The following RNF2 variants were observed in gnomAD, a reference collection of about 807,000 sequenced individuals.
The protein encoded by RNF2 is ring finger protein 2, also known as E3 ubiquitin-protein ligase RING2.
RNF2 carries 6 observed loss-of-function variants against 37.2 expected under a neutral mutation model. The ratio of observed to expected loss-of-function variants is 0.16; its 90% confidence interval spans 0.09 to 0.32. RNF2 has a LOEUF of 0.32. RNF2 is among the 10% of genes least tolerant of loss of function. RNF2 has a pLI of 1.00. For missense variants in RNF2, 251 were observed against 404.0 expected (o/e 0.62, Z 3.25); for synonymous variants, 133 against 132.7 (o/e 1.00, Z -0.02).
chr1:185,053,590 C>T (rs1229037781), intron 1 of RNF2, among the ~76,000 whole-genome samples: 3 of 152,110 alleles, frequency 2.0e-5, no homozygotes. Flanking sequence ...TGGTCTCAAG[C>T]AGTCCTCCCT....
intron 1 of RNF2, among the ~76,000 whole-genome samples, chr1:185,061,000 C>G (rs1650580596): frequency 6.6e-6 from 1 of 152,050 alleles, no homozygotes; most frequent in Admixed American, 6.6e-5. Context: ...GTCTGTAGTC[C>G]TAGCTGCTTG....
chr1:185,058,324 G>A (rs749017382), intron 1 of RNF2, among the ~76,000 whole-genome samples: 6 of 151,998 alleles, frequency 3.9e-5, no homozygotes. Context: ...TGTGGTGTGC[G>A]GGGTATCTTC....
chr1:185,085,387 C>CA (rs1651558339), intron 1 of RNF2, among the ~76,000 whole-genome samples: 1 of 151,932 alleles, frequency 6.6e-6, no homozygotes, highest in Non-Finnish European at 1.5e-5. Context: ...CCGCCTGCCT[C>CA]GGCCTCCCAA....
chr1:185,055,125 AG>A (rs1650395703), intron 1 of RNF2, among the ~76,000 whole-genome samples: 1 of 152,260 alleles, frequency 6.6e-6, no homozygotes, highest in South Asian at 2.1e-4. Context: ...TTTAGGGAAT[AG>A]GGAAAGTATG....
At chr1:185,052,226 G>A (rs763984956) in intron 1 of RNF2, among the ~76,000 whole-genome samples, 4 of 152,022 alleles carry the variant, frequency 2.6e-5, no homozygotes. Context: ...CCACTAAACC[G>A]GAGGTATCCA....
intron 1 of RNF2, among the ~76,000 whole-genome samples, chr1:185,061,479 G>A (rs1650603798): frequency 6.6e-6 from 1 of 151,992 alleles, no homozygotes; most frequent in African/African-American, 2.4e-5. Flanking sequence ...GCAGCCTTTA[G>A]CACCAAGGCC....
intron 1 of RNF2, among the ~76,000 whole-genome samples, chr1:185,071,058 G>A (rs1241183129): frequency 6.6e-6 from 1 of 152,176 alleles, no homozygotes; most frequent in African/African-American, 2.4e-5. Flanking sequence ...TACAAAGTGA[G>A]TATTTGTGTG....
At chr1:185,047,873 AGAC>A (rs1650163298) in intron 1 of RNF2, among the ~76,000 whole-genome samples, 2 of 152,228 alleles carry the variant, frequency 1.3e-5, no homozygotes, top group South Asian at 4.1e-4. Context: ...CATTGTCATC[AGAC>A]AATGGTTAAT....
At chr1:185,069,814 C>G (rs1056071439) in intron 1 of RNF2, among the ~76,000 whole-genome samples, 1 of 152,172 alleles carries the variant, frequency 6.6e-6, no homozygotes, top group African/African-American at 2.4e-5. Context: ...TTCCCTTAAG[C>G]TTCCAGGAAC....
rs1456347738 is a variant in RNF2, at chr1:185,100,226, A to G, written c.936A>G (p.Glu312=). 4.4e-6 allele frequency: 7 copies of G among 1,608,222 alleles called. No homozygotes were observed. Among genetic ancestry groups the G allele is most frequent in the Non-Finnish European group, 5.9e-6 (7 of 1,178,010 alleles). ...FTVLNGSFSL[E]LVSEKYWKVN... ...TATTAAATGGCTCTTTTTCTTTGGA[A>G]TTGGTCAGTGAGAAATACTGGAAAG... is the stretch of plus-strand genomic sequence containing the variant. Residue 312 remains glutamate (E), a synonymous_variant, in exon 7 of 7, where the codon GAA becomes GAG. Coordinates refer to ENST00000367510, the MANE Select transcript of RNF2 (RefSeq NM_007212.4).
At chr1:185,046,844 T>C (rs1470056412) in intron 1 of RNF2, among the ~76,000 whole-genome samples, 1 of 152,248 alleles carries the variant, frequency 6.6e-6, no homozygotes, top group Non-Finnish European at 1.5e-5. Context: ...CTTAGTCTAA[T>C]TGGTAGCTAA....
chr1:185,098,003 A>G (rs1286149448), intron 4 of RNF2, 69 bp from the exon 5 acceptor site: 19 of 1,535,742 alleles, frequency 1.2e-5, no homozygotes, highest in Non-Finnish European at 1.6e-5. Flanking sequence ...AGTAGCAAAC[A>G]TGCTTCAGAT....
At chr1:185,050,062 G>GT (rs1021618634) in intron 1 of RNF2, among the ~76,000 whole-genome samples, 2 of 152,230 alleles carry the variant, frequency 1.3e-5, no homozygotes, top group African/African-American at 4.8e-5. Context: ...TAGTTTTGGA[G>GT]TTGAGAGACA....
At chr1:185,050,011 T>C (rs907346576) in intron 1 of RNF2, among the ~76,000 whole-genome samples, 1 of 152,208 alleles carries the variant, frequency 6.6e-6, no homozygotes, top group African/African-American at 2.4e-5. Flanking sequence ...TGATGAAATA[T>C]AGTTGCAGTC....
intron 1 of RNF2, among the ~76,000 whole-genome samples, chr1:185,084,634 T>G (rs1361218836): frequency 6.6e-6 from 1 of 152,246 alleles, no homozygotes; most frequent in African/African-American, 2.4e-5. Flanking sequence ...TTTCTAGAGC[T>G]TCTCTTAGCT....
chr1:185,056,501 G>T (rs1279666036), intron 1 of RNF2, among the ~76,000 whole-genome samples: 1 of 149,548 alleles, frequency 6.7e-6, no homozygotes, highest in Non-Finnish European at 1.5e-5. Flanking sequence ...TGGAACTATA[G>T]GTGTCTACCA....
chr1:185,056,346 ATTC>A (rs1650433331), intron 1 of RNF2, among the ~76,000 whole-genome samples: 1 of 149,772 alleles, frequency 6.7e-6, no homozygotes, highest in Non-Finnish European at 1.5e-5. Context: ...ATTATCCATC[ATTC>A]TTTTTTTTTT....
At chr1:185,046,794 T>C (rs1457599460) in intron 1 of RNF2, among the ~76,000 whole-genome samples, 1 of 152,250 alleles carries the variant, frequency 6.6e-6, no homozygotes, top group Non-Finnish European at 1.5e-5. Flanking sequence ...TTGCATTACA[T>C]AATCTACTTT....
chr1:185,079,117 A>G (rs985753613), intron 1 of RNF2, among the ~76,000 whole-genome samples: 3 of 138,772 alleles, frequency 2.2e-5, no homozygotes, highest in South Asian at 2.2e-4. Context: ...GTTTCTGCCT[A>G]TGCAGCTAAA....
Sources: gnomAD v4.1 joint callset for allele counts (sites outside exome capture counted in the v4.1 genomes callset) on GRCh38, gnomAD v4.1.1 for gene constraint, MANE v1.5 for transcripts, NCBI Gene and HGNC (gene_info 2026-07-23, HGNC 2026-07-21) for gene names.